SLC7A11: variants seen among roughly 807,000 people sequenced by gnomAD.
SLC7A11 encodes cystine/glutamate transporter.
SLC7A11 carries 35 observed loss-of-function variants against 54.5 expected under a neutral mutation model. The ratio of observed to expected loss-of-function variants is 0.64; its 90% confidence interval spans 0.49 to 0.85. The LOEUF (loss-of-function observed/expected upper bound fraction) is 0.85, where lower values mean the gene tolerates loss of function less well. SLC7A11 is among the 40% of genes least tolerant of loss of function. The pLI, the probability that SLC7A11 is intolerant of heterozygous loss-of-function variation, is 0.00. For synonymous variants in SLC7A11, 230 were observed against 225.2 expected (o/e 1.02, Z -0.19); for missense variants, 583 against 618.1 (o/e 0.94, Z 0.60).
Position 138,232,252 on chromosome 4 carries a change from A to G in SLC7A11, c.520+15T>C. 6.8e-7 allele frequency: 1 copy of G among 1,461,010 alleles called. No individual in the cohort carries two copies. The highest frequency in any genetic ancestry group is 1.1e-5 in the South Asian group (1 of 87,886). The allele number at this position is 1,461,010 out of a possible 1,614,324, so 90.5% of individuals were successfully genotyped here. On this transcript the variant is annotated intron_variant, in intron 3 of 11. Coordinates refer to ENST00000280612, the MANE Select transcript of SLC7A11 (RefSeq NM_014331.4). Reference sequence around the variant, plus strand: ...GTTGTTTTTCCTTTTTCACATATATAGCTATAATACTCACTTATGCCCACA... The same window carrying G: ...GTTGTTTTTCCTTTTTCACATATATGGCTATAATACTCACTTATGCCCACA...
intron 11 of SLC7A11, among the ~76,000 whole-genome samples, chr4:138,173,520 G>C (rs1347299493): frequency 6.6e-6 from 1 of 151,746 alleles, no homozygotes. Context: ...TGTACTCCCA[G>C]CTACTCAGGA....
chr4:138,225,439 G>A (rs1023296637), intron 3 of SLC7A11, among the ~76,000 whole-genome samples: 1 of 151,738 alleles, frequency 6.6e-6, no homozygotes, highest in Non-Finnish European at 1.5e-5. Flanking sequence ...GCATCTAAGG[G>A]GGGTTATTTC....
chr4:138,210,680 C>A (rs1737525280), intron 6 of SLC7A11, among the ~76,000 whole-genome samples: 1 of 151,914 alleles, frequency 6.6e-6, no homozygotes, highest in African/African-American at 2.4e-5. Flanking sequence ...AAATGCAAAT[C>A]AAAACTACAA....
intron 6 of SLC7A11, among the ~76,000 whole-genome samples, chr4:138,208,020 T>TTG (rs1737450448): frequency 6.6e-6 from 1 of 152,116 alleles, no homozygotes; most frequent in Non-Finnish European, 1.5e-5. Context: ...GGACCATTTG[T>TTG]AGACCAATCT....
intron 6 of SLC7A11, among the ~76,000 whole-genome samples, chr4:138,189,844 T>C: frequency 6.6e-6 from 1 of 152,126 alleles, no homozygotes; most frequent in Admixed American, 6.6e-5. Context: ...ATGAAATGAG[T>C]AAACCTAGCT....
At position 138,242,160 on chromosome 4, in the gene SLC7A11, C is replaced by T. The variant is rs1286777948; in HGVS notation, c.-91G>A. ...TCTTGGTGTTACTGATCGATGTCTTCCTCTGCTTTCAGACTGTCTCTCTCA... is the reference window on the plus strand; with the variant it reads ...TCTTGGTGTTACTGATCGATGTCTTTCTCTGCTTTCAGACTGTCTCTCTCA... On this transcript the variant is annotated 5_prime_UTR_variant, in exon 1 of 12. Coordinates refer to ENST00000280612, the MANE Select transcript of SLC7A11 (RefSeq NM_014331.4). 4 of 1,402,124 alleles carry T rather than the reference C, an allele frequency of 2.9e-6. No homozygotes were observed. The highest frequency in any genetic ancestry group is 3.9e-6 in the Non-Finnish European group (4 of 1,033,988). 86.9% of individuals were successfully genotyped at this position (1,402,124 alleles called of 1,614,324 possible).
chr4:138,218,591 T>C (rs2148442288), intron 5 of SLC7A11, among the ~76,000 whole-genome samples: 1 of 152,330 alleles, frequency 6.6e-6, no homozygotes, highest in Admixed American at 6.5e-5. Context: ...ATGCCTTAAC[T>C]AGAAAGGTAG....
At chr4:138,233,079 T>C (rs1173904022) in intron 2 of SLC7A11, among the ~76,000 whole-genome samples, 4 of 152,140 alleles carry the variant, frequency 2.6e-5, no homozygotes, top group Non-Finnish European at 4.4e-5. Context: ...ATTTTAATTC[T>C]TCAAATATTT....
chr4:138,179,441 C>T, intron 10 of SLC7A11, 47 bp from the exon 11 acceptor site: 1 of 1,546,754 alleles, frequency 6.5e-7, no homozygotes, highest in Non-Finnish European at 8.9e-7. Context: ...GTTCAAGCAA[C>T]AGAAGCTGGG....
chr4:138,220,917 C>T (rs905588738), intron 4 of SLC7A11, among the ~76,000 whole-genome samples: 1 of 152,124 alleles, frequency 6.6e-6, no homozygotes, highest in Middle Eastern at 3.2e-3. Flanking sequence ...GAATTATATA[C>T]TAAACAATTT....
intron 3 of SLC7A11, among the ~76,000 whole-genome samples, chr4:138,231,137 T>C (rs1402143032): frequency 6.6e-6 from 1 of 152,100 alleles, no homozygotes; most frequent in Non-Finnish European, 1.5e-5. Context: ...AAATAATGTA[T>C]ACACATAGAC....
rs781077829 is a variant in SLC7A11, at chr4:138,180,796, G to A, written c.1117-6C>T. On this transcript the variant is annotated splice_polypyrimidine_tract_variant and splice_region_variant and intron_variant, in intron 9 of 11. Coordinates refer to ENST00000280612, the MANE Select transcript of SLC7A11 (RefSeq NM_014331.4). The stretch of plus-strand genomic sequence containing the variant: ...ATTATCATTGTCAAAGGGTGCTGAG[G>A]GGGGAAAGGGAAGCAAGCTTGGTGA... 6.3e-5 allele frequency: 102 copies of A among 1,608,450 alleles called. No homozygotes were observed. Among genetic ancestry groups the A allele is most frequent in the Non-Finnish European group, 8.1e-5 (95 of 1,177,502 alleles).
At chr4:138,227,695 C>T (rs1737976588) in intron 3 of SLC7A11, among the ~76,000 whole-genome samples, 1 of 152,136 alleles carries the variant, frequency 6.6e-6, no homozygotes, top group African/African-American at 2.4e-5. Flanking sequence ...AGTTCCCAGG[C>T]AACAATGAGG....
chr4:138,184,433 T>G (rs1293309088), intron 7 of SLC7A11, among the ~76,000 whole-genome samples: 1 of 152,124 alleles, frequency 6.6e-6, no homozygotes, highest in African/African-American at 2.4e-5. Context: ...AAAATAAAAG[T>G]GTATCACAGA....
intron 5 of SLC7A11, among the ~76,000 whole-genome samples, chr4:138,218,981 T>C (rs146063954): frequency 3.1e-4 from 47 of 152,290 alleles, no homozygotes; most frequent in African/African-American, 1.0e-3. Context: ...TACATACTTA[T>C]AAGTAATTTT....
intron 10 of SLC7A11, among the ~76,000 whole-genome samples, 163 bp downstream of exon 10, chr4:138,180,478 C>T (rs556545095): frequency 1.3e-5 from 2 of 152,104 alleles, no homozygotes; most frequent in Admixed American, 6.6e-5. Context: ...TTTTTTCCAA[C>T]TTAAAATAAA....
intron 6 of SLC7A11, among the ~76,000 whole-genome samples, chr4:138,199,907 T>G (rs1218917861): frequency 6.6e-6 from 1 of 152,120 alleles, no homozygotes; most frequent in Non-Finnish European, 1.5e-5. Context: ...ACTTGATCAC[T>G]TCTCCTTGGC....
intron 6 of SLC7A11, among the ~76,000 whole-genome samples, chr4:138,204,424 T>G (rs373022524): frequency 1.6e-4 from 24 of 152,228 alleles, no homozygotes; most frequent in African/African-American, 5.8e-4. Context: ...CTTATATTTT[T>G]AAATTAAGCA....
intron 9 of SLC7A11, among the ~76,000 whole-genome samples, 189 bp downstream of exon 9, chr4:138,182,107 CA>C (rs970424783): frequency 6.0e-5 from 9 of 151,166 alleles, no homozygotes; most frequent in South Asian, 4.2e-4. Context: ...CCCAAAGCAT[CA>C]AAAAAAATAG....
Sources: gnomAD v4.1 joint callset for allele counts (sites outside exome capture counted in the v4.1 genomes callset) on GRCh38, gnomAD v4.1.1 for gene constraint, MANE v1.5 for transcripts, NCBI Gene and HGNC (gene_info 2026-07-23, HGNC 2026-07-21) for gene names.